The following DSP variants were observed in gnomAD, a reference collection of about 807,000 sequenced individuals.
DSP encodes 250/210 kDa paraneoplastic pemphigus antigen.
Under a neutral mutation model 290.6 loss-of-function variants are expected in DSP, and 114 were observed. That is an observed-to-expected ratio of 0.39 (90% CI 0.34 to 0.46). The LOEUF is 0.46. Ranked by LOEUF, DSP falls within the 20% of genes least tolerant of loss-of-function variation. The probability of loss-of-function intolerance (pLI) is 0.99; values close to 1 mark genes in which losing one functional copy is unlikely to be tolerated. For synonymous variants in DSP, 1,311 were observed against 1,316.4 expected (o/e 1.00, Z 0.09); for missense variants, 3,230 against 3,495.8 (o/e 0.92, Z 1.92).
Position 7,575,349 on chromosome 6 carries a change from G to A in DSP, c.2491G>A (p.Glu831Lys). The A allele has an allele frequency of 6.2e-7, 1 of 1,613,842 alleles. No homozygotes were observed. Among genetic ancestry groups the A allele is most frequent in the Non-Finnish European group, 8.5e-7 (1 of 1,180,006 alleles). Residue 831 changes from glutamate to lysine, a missense_variant, in exon 18 of 24, where the codon GAA (glutamate) becomes AAA (lysine). Around this residue, in one of 5 missense-constraint regions of DSP, gnomAD observed 1,714 missense variants for 1,844.5 expected, o/e 0.93. Coordinates refer to ENST00000379802, the MANE Select transcript of DSP (RefSeq NM_004415.4). ...KKSLLATMKTELQKAQQIHSQ... is the reference protein window; with the variant it reads ...KKSLLATMKTKLQKAQQIHSQ... ...GTCGTTGTTGGCCACTATGAAGACA[G>A]AACTACAGAAAGCCCAGCAGATCCA...
Position 7,576,313 on chromosome 6 carries a change from C to G in DSP, c.2650C>G (p.Gln884Glu). 1.2e-6 allele frequency: 2 copies of G among 1,613,988 alleles called. No homozygotes were observed. Among genetic ancestry groups the G allele is most frequent in the Non-Finnish European group, 1.7e-6 (2 of 1,179,946 alleles). Residue 884 changes from glutamine to glutamate, a missense_variant, in exon 19 of 24, where the codon CAA becomes GAA. Transcript: ENST00000379802. The stretch of plus-strand genomic sequence containing the variant: ...CCCCAGGTTATGGGACCTGGAGAAA[C>G]AAATCAAGCAATTGAGGAATTATCG... ...IDFRLWDLEK[Q>E]IKQLRNYRDN...
intron 1 of DSP, among the ~76,000 whole-genome samples, 195 bp downstream of exon 1, chr6:7,542,280 C>T (rs1561670561): frequency 1.1e-5 from 1 of 92,016 alleles, no homozygotes; most frequent in African/African-American, 3.8e-5. Flanking sequence ...GGCCCCTGTC[C>T]TGCGAACAGG....
intron 18 of DSP, 65 bp downstream of exon 18, chr6:7,575,553 C>T: frequency 1.3e-6 from 2 of 1,588,832 alleles, no homozygotes; most frequent in Non-Finnish European, 1.7e-6. Context: ...AAGATAATGT[C>T]ACTTGAAGGG....
chr6:7,575,230 C>T, intron 17 of DSP, 65 bp from the exon 18 acceptor site: 1 of 1,560,322 alleles, frequency 6.4e-7, no homozygotes, highest in Non-Finnish European at 8.8e-7. Flanking sequence ...AATTTGGTGA[C>T]TTGTAGTGTA....
In DSP at chr6:7,579,568, A is replaced by G; in HGVS notation, c.3378A>G (p.Lys1126=). 1.2e-6 allele frequency: 2 copies of G among 1,613,928 alleles called. No individual in the cohort carries two copies. Among genetic ancestry groups the G allele is most frequent in the South Asian group, 2.2e-5 (2 of 91,066 alleles). The change falls in exon 23 of 24, where the codon AAA becomes AAG. Residue 1126 remains lysine, a synonymous_variant. Transcript: ENST00000379802. This position sits in a 1 kb window ranked among gnomAD's most constrained non-coding sequence, Gnocchi z 4.1. ...TTGAAGATGAAAAGAGAAGAAGAAA[A>G]TCTGTGGAAGACAGATTTGACCAAC... The part of the protein sequence containing the change: ...YEIEDEKRRR[K]SVEDRFDQQK...
rs555770417 is a variant in DSP at position 7,544,438 on chromosome 6, C to G, written c.170+2353C>G. 1.5e-4 allele frequency among the ~76,000 whole-genome samples: 23 copies of G among 151,780 alleles called. 1 individual carries two copies. In the South Asian group the frequency reaches 4.8e-3, roughly 32 times the overall value. ...GATTAAGAATTTCATAAGTATTTTT[C>G]TGACCCGAAGGTTTTCTAAATAAAG... On this transcript the variant is annotated intron_variant, in intron 1 of 23. Transcript: ENST00000379802.
At chr6:7,567,757 A>G (rs766185824) in intron 9 of DSP, 24 bp from the exon 10 acceptor site, 1 of 1,613,784 alleles carries the variant, frequency 6.2e-7, no homozygotes, top group South Asian at 1.1e-5. Context: ...CTGTTCATTC[A>G]CTGATCACTC....
At position 7,580,122 on chromosome 6, in the gene DSP, A is replaced by C; in HGVS notation, c.3932A>C (p.Gln1311Pro). Reference sequence around the variant, plus strand: ...TCTGAGGACAATGCCCGGCACAAGCAGTCCCTGGAGGAGGCTGCCAAGACC... The same window carrying C: ...TCTGAGGACAATGCCCGGCACAAGCCGTCCCTGGAGGAGGCTGCCAAGACC... ...QRSEDNARHK[Q>P]SLEEAAKTIQ... The change falls in exon 23 of 24, where the codon CAG (glutamine) becomes CCG (proline). Residue 1311 changes from glutamine (Q) to proline (P), a missense_variant. Gln to Pro is a moderately conservative substitution (Grantham distance 76). Around this residue, in one of 5 missense-constraint regions of DSP, gnomAD observed 1,714 missense variants for 1,844.5 expected, o/e 0.93. Transcript: ENST00000379802. This position sits in a 1 kb window ranked among gnomAD's most constrained non-coding sequence, Gnocchi z 4.2. 1 of 1,614,132 alleles carries C rather than the reference A, an allele frequency of 6.2e-7. No homozygotes were observed. Among genetic ancestry groups the C allele is most frequent in the Non-Finnish European group, 8.5e-7 (1 of 1,179,982 alleles).
At chr6:7,550,795 CTT>C (rs1356712048) in intron 1 of DSP, among the ~76,000 whole-genome samples, 2 of 140,506 alleles carry the variant, frequency 1.4e-5, no homozygotes, top group Admixed American at 7.1e-5. Context: ...TTTTCTTTTT[CTT>C]TTTTTTTTTT....
chr6:7,574,335 T>C lies in DSP; in HGVS notation c.2297+83T>C. 2.9e-6 allele frequency: 4 copies of C among 1,390,190 alleles called. No homozygotes were observed. The South Asian group carries it at 4.8e-5, about 17-fold the overall frequency. The allele number at this position is 1,390,190 out of a possible 1,614,324, so 86.1% of individuals were successfully genotyped here. A position where few individuals can be genotyped will look rare whatever the true frequency, so the allele number is the denominator to read the frequency against. On this transcript the variant is annotated intron_variant, in intron 16 of 23. Transcript: ENST00000379802. ...TCTTCATTTGCTTTAGATGCTTGCCTTACAGTTTCTCTGTTACTAGAGATT... is the reference window on the plus strand; with the variant it reads ...TCTTCATTTGCTTTAGATGCTTGCCCTACAGTTTCTCTGTTACTAGAGATT...
Position 7,555,724 on chromosome 6 carries a change from C to T in DSP, c.177C>T (p.Thr59=), listed in dbSNP as rs376873185. ...TDQNSDGYCQ[T]GTMSRHQNQN... ...TCTGTGTTTGCCTCCTTAGTCAAAC[C>T]GGCACGATGTCCAGGCACCAGAACC... The change falls in exon 2 of 24, where the codon ACC becomes ACT. Residue 59 remains threonine, a synonymous_variant. Coordinates refer to ENST00000379802, the MANE Select transcript of DSP (RefSeq NM_004415.4). 6 of 1,614,060 alleles carry T rather than the reference C, an allele frequency of 3.7e-6. No individual in the cohort carries two copies. The highest frequency in any genetic ancestry group is 2.7e-5 in the African/African-American group (2 of 75,032).
At chr6:7,564,858 T>A (rs992495769) in intron 6 of DSP, among the ~76,000 whole-genome samples, 1 of 151,962 alleles carries the variant, frequency 6.6e-6, no homozygotes. Context: ...ATAAAAAAAA[T>A]TTAAGGCCAG....
At position 7,585,233 on chromosome 6, in the gene DSP, A is replaced by T; in HGVS notation, c.7971A>T (p.Thr2657=). 6.2e-7 allele frequency: 1 copy of T among 1,614,158 alleles called. No individual in the cohort carries two copies. Among genetic ancestry groups the T allele is most frequent in the Non-Finnish European group, 8.5e-7 (1 of 1,180,022 alleles). The part of the protein sequence containing the change: ...GQRLLEAQAC[T]GGIIHPTTGQ... ...GGCTTCTGGAGGCTCAGGCCTGCAC[A>T]GGTGGCATCATCCACCCAACCACGG... The change falls in exon 24 of 24, where the codon ACA becomes ACT. Residue 2657 remains threonine (T), a synonymous_variant. Transcript: ENST00000379802.
At chr6:7,548,147 G>A (rs1169964413) in intron 1 of DSP, among the ~76,000 whole-genome samples, 2 of 151,766 alleles carry the variant, frequency 1.3e-5, no homozygotes, top group Admixed American at 1.3e-4. Context: ...GGCTCCTGTA[G>A]TCGCAACTGC....
At chr6:7,559,181 A>C in intron 3 of DSP, 45 bp from the exon 4 acceptor site, 1 of 1,611,738 alleles carries the variant, frequency 6.2e-7, no homozygotes, top group Non-Finnish European at 8.5e-7. Context: ...ACGGGTTTTC[A>C]TAGGCTGTTT....
Position 7,579,802 on chromosome 6 carries a change from T to A in DSP, c.3612T>A (p.Ser1204Arg). 1 of 1,612,906 alleles carries A rather than the reference T, an allele frequency of 6.2e-7. No individual in the cohort carries two copies. Among genetic ancestry groups the A allele is most frequent in the Non-Finnish European group, 8.5e-7 (1 of 1,179,598 alleles). ...KVRNHYNEEM[S>R]NLRNKYETEI... ...GAAACCACTATAATGAGGAGATGAGTAATTTAAGGAACAAGTATGAAACAG... is the reference window on the plus strand; with the variant it reads ...GAAACCACTATAATGAGGAGATGAGAAATTTAAGGAACAAGTATGAAACAG... The change falls in exon 23 of 24, where the codon AGT becomes AGA. Residue 1204 changes from serine (S) to arginine (R), a missense_variant. Transcript: ENST00000379802. This position sits in a 1 kb window ranked among gnomAD's most constrained non-coding sequence, Gnocchi z 4.1.
At position 7,571,396 on chromosome 6, in the gene DSP, G is replaced by T. The variant is rs370531666; in HGVS notation, c.1715G>T (p.Arg572Leu). The change falls in exon 14 of 24, where the codon CGG becomes CTG. Residue 572 changes from arginine (R) to leucine (L), a missense_variant. Around this residue, in one of 5 missense-constraint regions of DSP, gnomAD observed 81 missense variants for 130.5 expected, o/e 0.62. Transcript: ENST00000379802. ...GTCTCCTTTCAGCTGAAAACAATGC[G>T]GCAGGAAGATTACATGAAGACGATA... is the stretch of plus-strand genomic sequence containing the variant. ...AMTIAKLKTM[R>L]QEDYMKTIAD... The T allele has an allele frequency of 1.9e-6, 3 of 1,613,970 alleles. No individual in the cohort carries two copies. The highest frequency in any genetic ancestry group is 1.1e-5 in the South Asian group (1 of 91,076).
rs149773722 is a variant in DSP, at chr6:7,582,679, C to G, written c.5417C>G (p.Thr1806Ser). 17 of 1,613,620 alleles carry G rather than the reference C, an allele frequency of 1.1e-5. No individual in the cohort carries two copies. In the African/African-American group the frequency reaches 1.1e-4, roughly 10 times the overall value. The change falls in exon 24 of 24, where the codon ACT (threonine) becomes AGT (serine). Residue 1806 changes from threonine to serine, a missense_variant. By Grantham distance (58) the Thr-to-Ser change is moderately conservative. This residue lies in a region of DSP where 1,714 missense variants were observed against 1,844.5 expected (regional missense o/e 0.93). Transcript: ENST00000379802. This position sits in a 1 kb window ranked among gnomAD's most constrained non-coding sequence, Gnocchi z 4.2. ...ATTCAGGAATCAAAGAATCAGTGTA[C>G]TCAGGTGGTACAGGAAAGAGAGAGC... ...NRIQESKNQC[T>S]QVVQERESLL...
Position 7,586,538 on chromosome 6 carries a change from G to T in DSP, c.*660G>T, listed in dbSNP as rs1759682227. On this transcript the variant is annotated 3_prime_UTR_variant, in exon 24 of 24. Transcript: ENST00000379802. ...ATGTACTTTAAGGTGTCTTTATGAA[G>T]TTTGCTATTCTGGCAATAAACTTTT... 1 of 152,156 alleles carries T rather than the reference G, an allele frequency of 6.6e-6. No individual in the cohort carries two copies. Among genetic ancestry groups the T allele is most frequent in the Non-Finnish European group, 1.5e-5 (1 of 68,020 alleles). The allele number at this position is 152,156 out of a possible 1,614,324, so 9.4% of individuals were successfully genotyped here.
Sources: gnomAD v4.1 joint callset for allele counts (sites outside exome capture counted in the v4.1 genomes callset) on GRCh38, gnomAD v4.1.1 for gene constraint, gnomAD v4.1.1 regional missense constraint, Gnocchi (gnomAD v3.1) non-coding constraint, MANE v1.5 for transcripts, NCBI Gene and HGNC (gene_info 2026-07-23, HGNC 2026-07-21) for gene names.